ZNF804B: variants seen among roughly 807,000 people sequenced by gnomAD.
ZNF804B encodes zinc finger 804B.
In ZNF804B, 80 loss-of-function variants were observed where a neutral mutation model predicts 101.4. The observed-to-expected ratio is 0.79, with a 90% confidence interval of 0.66 to 0.95. ZNF804B has a LOEUF of 0.95. Ranked by LOEUF, ZNF804B falls within the 40% of genes least tolerant of loss-of-function variation. The pLI is 0.00. For synonymous variants in ZNF804B, 622 were observed against 558.8 expected (o/e 1.11, Z -1.59); for missense variants, 1,673 against 1,561.9 (o/e 1.07, Z -1.20).
chr7:89,117,575 T>C (rs1790329932), intron 1 of ZNF804B, among the ~76,000 whole-genome samples: 2 of 152,230 alleles, frequency 1.3e-5, no homozygotes, highest in South Asian at 4.1e-4. Context: ...CCCAGTTGGA[T>C]GAGTTCAAGT....
intron 1 of ZNF804B, among the ~76,000 whole-genome samples, chr7:88,850,434 G>C (rs1791435685): frequency 6.6e-6 from 1 of 152,108 alleles, no homozygotes; most frequent in South Asian, 2.1e-4. Context: ...GTAGAGTTCT[G>C]ATCAGTGCGT....
chr7:89,071,885 T>A lies in ZNF804B; in HGVS notation c.109-146270T>A, dbSNP rs771292125. On this transcript the variant is annotated intron_variant, in intron 1 of 3. Coordinates refer to ENST00000333190, the MANE Select transcript of ZNF804B (RefSeq NM_181646.5). ...TCCTACCTAATTGTGAGATCCTTAT[T>A]GTTACTTCTATAAGTTTTCTTACAA... 7.2e-4 allele frequency among the ~76,000 whole-genome samples: 109 copies of A among 152,250 alleles called. 2 individuals are homozygous for A. In the Middle Eastern group the frequency reaches 0.014, roughly 19 times the overall value.
chr7:88,874,383 G>C (rs1791889387), intron 1 of ZNF804B, among the ~76,000 whole-genome samples: 1 of 151,150 alleles, frequency 6.6e-6, no homozygotes, highest in Non-Finnish European at 1.5e-5. Context: ...GAGACAATGG[G>C]GTTTTCTAGA....
chr7:88,927,457 T>G (rs1240377158), intron 1 of ZNF804B, among the ~76,000 whole-genome samples: 1 of 152,168 alleles, frequency 6.6e-6, no homozygotes, highest in African/African-American at 2.4e-5. Flanking sequence ...TGAGACACCA[T>G]GCTCAGTCTG....
intron 1 of ZNF804B, among the ~76,000 whole-genome samples, chr7:88,948,072 C>T (rs1793162944): frequency 6.6e-6 from 1 of 151,820 alleles, no homozygotes; most frequent in Admixed American, 6.6e-5. Context: ...GACAATACTA[C>T]CTGCTACTTA....
chr7:89,181,459 C>T (rs55685026), intron 1 of ZNF804B, among the ~76,000 whole-genome samples: 36,848 of 152,064 alleles, frequency 0.24, 4,652 homozygotes, highest in Non-Finnish European at 0.27. Flanking sequence ...GTGTTGCTTG[C>T]GCTATAATAG....
intron 1 of ZNF804B, among the ~76,000 whole-genome samples, chr7:88,862,209 A>C (rs1182827799): frequency 6.6e-6 from 1 of 152,176 alleles, no homozygotes; most frequent in African/African-American, 2.4e-5. Flanking sequence ...GAACATCTAA[A>C]ACTACTTCAG....
In ZNF804B at chr7:89,333,866, C is replaced by G. The variant is rs754880145; in HGVS notation, c.884C>G (p.Thr295Ser). The G allele has an allele frequency of 6.2e-7, 1 of 1,613,378 alleles. No homozygotes were observed. The highest frequency in any genetic ancestry group is 1.1e-5 in the South Asian group (1 of 91,054). The change falls in exon 4 of 4, where the codon ACC becomes AGC. Residue 295 changes from threonine (T) to serine (S), a missense_variant. Physicochemically the swap from Thr to Ser is moderately conservative, Grantham distance 58. Transcript: ENST00000333190. ...PSHLESVLHN[T>S]ISINSKILQD... The stretch of plus-strand genomic sequence containing the variant: ...CATCTGGAAAGTGTTTTACACAATA[C>G]CATCTCCATAAACTCTAAAATTTTG...
At chr7:89,018,565 T>C (rs893885158) in intron 1 of ZNF804B, among the ~76,000 whole-genome samples, 1 of 152,088 alleles carries the variant, frequency 6.6e-6, no homozygotes, top group Non-Finnish European at 1.5e-5. Context: ...TCCTTCCCCT[T>C]CAATTTTTGG....
At chr7:89,013,865 C>T (rs1224450564) in intron 1 of ZNF804B, among the ~76,000 whole-genome samples, 1 of 152,178 alleles carries the variant, frequency 6.6e-6, no homozygotes, top group African/African-American at 2.4e-5. Context: ...TGAGAACATA[C>T]ACCGTTTAAC....
chr7:88,941,326 A>C (rs1562838772), intron 1 of ZNF804B, among the ~76,000 whole-genome samples: 1 of 152,062 alleles, frequency 6.6e-6, no homozygotes, highest in African/African-American at 2.4e-5. Flanking sequence ...TATTTATAGC[A>C]GCTTTATTCA....
At chr7:89,025,996 C>G (rs952700042) in intron 1 of ZNF804B, among the ~76,000 whole-genome samples, 1 of 152,076 alleles carries the variant, frequency 6.6e-6, no homozygotes, top group African/African-American at 2.4e-5. Context: ...CTATCTACCC[C>G]TTCACCCTGA....
chr7:88,840,205 C>T (rs1362791323), intron 1 of ZNF804B, among the ~76,000 whole-genome samples: 1 of 152,130 alleles, frequency 6.6e-6, no homozygotes, highest in African/African-American at 2.4e-5. Context: ...GTTTCTTTGT[C>T]CCTGTCCATG....
intron 1 of ZNF804B, among the ~76,000 whole-genome samples, chr7:89,024,840 A>C (rs1185187542): frequency 6.6e-6 from 1 of 151,902 alleles, no homozygotes; most frequent in African/African-American, 2.4e-5. Flanking sequence ...ATTTATGGAG[A>C]GTAATCTCTG....
chr7:88,890,697 G>A (rs1163893150), intron 1 of ZNF804B, among the ~76,000 whole-genome samples: 4 of 151,996 alleles, frequency 2.6e-5, no homozygotes, highest in African/African-American at 7.2e-5. Flanking sequence ...GCTTAAAAAT[G>A]TTTTGCTGAG....
At chr7:88,776,470 A>T (rs1299393526) in intron 1 of ZNF804B, among the ~76,000 whole-genome samples, 1 of 151,596 alleles carries the variant, frequency 6.6e-6, no homozygotes, top group African/African-American at 2.4e-5. Flanking sequence ...TAATAAAAAA[A>T]TGTTCAGTGT....
intron 1 of ZNF804B, among the ~76,000 whole-genome samples, chr7:88,991,292 A>G (rs1161687059): frequency 6.6e-6 from 1 of 152,198 alleles, no homozygotes; most frequent in Non-Finnish European, 1.5e-5. Flanking sequence ...CCTCTGTCGG[A>G]AAATTGTCAT....
At chr7:89,031,765 T>C (rs1241452553) in intron 1 of ZNF804B, among the ~76,000 whole-genome samples, 1 of 152,090 alleles carries the variant, frequency 6.6e-6, no homozygotes, top group East Asian at 1.9e-4. Flanking sequence ...TGAGACACTC[T>C]CTTAAAATAG....
chr7:88,906,824 A>G (rs1307060739), intron 1 of ZNF804B, among the ~76,000 whole-genome samples: 1 of 152,072 alleles, frequency 6.6e-6, no homozygotes, highest in Admixed American at 6.6e-5. Context: ...TAATGCTGTT[A>G]ATGGTGTGTT....
Sources: allele counts gnomAD v4.1 joint callset (sites outside exome capture counted in the v4.1 genomes callset), GRCh38; gene constraint gnomAD v4.1.1; transcripts MANE v1.5; gene names NCBI Gene and HGNC (gene_info 2026-07-23, HGNC 2026-07-21).